Variants in ADGB observed in about 807,000 individuals in gnomAD.
The protein encoded by ADGB is calpain-7-like protein.
Under a neutral mutation model 210.5 loss-of-function variants are expected in ADGB, and 172 were observed. The ratio of observed to expected loss-of-function variants is 0.82; its 90% CI spans 0.72 to 0.93. ADGB has a LOEUF of 0.93. Among genes scored for constraint, ADGB ranks in the 40% least tolerant of loss-of-function variants. ADGB has a pLI of 0.00. For synonymous variants in ADGB, 658 were observed against 662.7 expected (o/e 0.99, Z 0.11); for missense variants, 2,025 against 1,964.8 (o/e 1.03, Z -0.58).
chr6:146,777,038 C>T (rs780294510), intron 29 of ADGB, among the ~76,000 whole-genome samples: 8 of 151,888 alleles, frequency 5.3e-5, no homozygotes, highest in Non-Finnish European at 1.2e-4. Flanking sequence ...CTATAGAGCG[C>T]TCACAGTCCC....
chr6:146,654,384 G>A (rs773266401), intron 4 of ADGB, among the ~76,000 whole-genome samples, 178 bp downstream of exon 4: 11 of 151,586 alleles, frequency 7.3e-5, no homozygotes, highest in Non-Finnish European at 1.3e-4. Context: ...ACAGAGTCTT[G>A]CTCTGTTGCT....
chr6:146,635,388 G>T lies in ADGB; in HGVS notation c.88G>T (p.Gly30Cys), dbSNP rs1247778544. 6 of 1,517,030 alleles carry T rather than the reference G, an allele frequency of 4.0e-6. No homozygotes were observed. Among genetic ancestry groups the T allele is most frequent in the South Asian group, 1.3e-5 (1 of 77,784 alleles). 94.0% of individuals were successfully genotyped at this position (1,517,030 alleles called of 1,614,324 possible). A position where few individuals can be genotyped will look rare whatever the true frequency, so the allele number is the denominator to read the frequency against. The change falls in exon 2 of 36, where the codon GGC becomes TGC. Residue 30 changes from glycine (G) to cysteine (C), a missense_variant. Gly to Cys is a radical substitution (Grantham distance 159). Coordinates refer to ENST00000397944, the MANE Select transcript of ADGB (RefSeq NM_024694.4). ...SDKSKDFYPFGSNVQSGSTEQ... is the reference protein window; with the variant it reads ...SDKSKDFYPFCSNVQSGSTEQ... Reference sequence around the variant, plus strand: ...GTCTCTGTCTAGTTTCTATCCTTTTGGCAGTAATGTACAATCTGGTTCTAC... The same window carrying T: ...GTCTCTGTCTAGTTTCTATCCTTTTTGCAGTAATGTACAATCTGGTTCTAC...
At chr6:146,648,218 T>C (rs1161344898) in intron 3 of ADGB, among the ~76,000 whole-genome samples, 2 of 152,150 alleles carry the variant, frequency 1.3e-5, no homozygotes, top group East Asian at 1.9e-4. Flanking sequence ...TACCTTTTTT[T>C]ACTTTATTTT....
intron 28 of ADGB, among the ~76,000 whole-genome samples, chr6:146,767,934 C>T (rs1429226896): frequency 1.3e-5 from 2 of 148,616 alleles, no homozygotes; most frequent in African/African-American, 4.9e-5. Context: ...TAGTGTTCCT[C>T]TACACCGGCA....
intron 29 of ADGB, among the ~76,000 whole-genome samples, chr6:146,779,259 G>A (rs1777763881): frequency 6.6e-6 from 1 of 152,152 alleles, no homozygotes; most frequent in Non-Finnish European, 1.5e-5. Context: ...CCACAAAATG[G>A]TAGTCTGAGA....
chr6:146,777,064 G>T (rs1001870454), intron 29 of ADGB, among the ~76,000 whole-genome samples: 3 of 151,688 alleles, frequency 2.0e-5, no homozygotes, highest in Non-Finnish European at 2.9e-5. Flanking sequence ...AGTCTGGTAG[G>T]GTGGTTTGTC....
chr6:146,741,401 A>T, intron 25 of ADGB, 130 bp downstream of exon 25: 1 of 738,952 alleles, frequency 1.4e-6, no homozygotes, highest in Admixed American at 3.4e-5. Context: ...CTGATCTTTC[A>T]CTATAGAAGT....
rs1238040719 is a variant in ADGB at position 146,781,877 on chromosome 6, G to A, written c.3863-143G>A. On this transcript the variant is annotated intron_variant, in intron 29 of 35. Coordinates refer to ENST00000397944, the MANE Select transcript of ADGB (RefSeq NM_024694.4). ...AGATTTTATGAAAACGAGTCCAACA[G>A]GCCTTTATAAAAATCTGTGTGATTG... The A allele has an allele frequency of 7.4e-6, 4 of 539,280 alleles. No homozygotes were observed. The South Asian group carries it at 2.6e-4, about 35-fold the overall frequency. 33.4% of individuals were successfully genotyped at this position (539,280 alleles called of 1,614,324 possible). A position where few individuals can be genotyped will look rare whatever the true frequency, so the allele number is the denominator to read the frequency against.
intron 27 of ADGB, 108 bp downstream of exon 27, chr6:146,752,822 A>G: frequency 2.8e-6 from 3 of 1,066,604 alleles, no homozygotes; most frequent in Non-Finnish European, 3.9e-6. Context: ...TTAAATTATG[A>G]AACTTCATAG....
At position 146,685,800 on chromosome 6, in the gene ADGB, A is replaced by G; in HGVS notation, c.1283A>G (p.Glu428Gly). 2 of 1,539,952 alleles carry G rather than the reference A, an allele frequency of 1.3e-6. No homozygotes were observed. Among genetic ancestry groups the G allele is most frequent in the Middle Eastern group, 1.7e-4 (1 of 5,862 alleles). ...ACATTTACACCTCTTTATTTGTTTGAAAACAAGATCTTTTCATTAGAGAAG... is the reference window on the plus strand; with the variant it reads ...ACATTTACACCTCTTTATTTGTTTGGAAACAAGATCTTTTCATTAGAGAAG... ...YATFTPLYLF[E>G]NKIFSLEKMA... Residue 428 changes from glutamate (E) to glycine (G), a missense_variant, in exon 10 of 36, where the codon GAA becomes GGA. Coordinates refer to ENST00000397944, the MANE Select transcript of ADGB (RefSeq NM_024694.4).
chr6:146,677,237 G>T (rs963677530), intron 9 of ADGB, among the ~76,000 whole-genome samples: 5 of 152,132 alleles, frequency 3.3e-5, no homozygotes, highest in East Asian at 1.9e-4. Flanking sequence ...TATTCAGGAG[G>T]TTATCAGGAG....
chr6:146,781,985 A>G lies in ADGB; in HGVS notation c.3863-35A>G, dbSNP rs143766236. On this transcript the variant is annotated intron_variant, in intron 29 of 35. Coordinates refer to ENST00000397944, the MANE Select transcript of ADGB (RefSeq NM_024694.4). ...TGTGAAACCATTTTATTGTTATATTATGACTCACCATTTTTTATTTTTATG... is the reference window on the plus strand; with the variant it reads ...TGTGAAACCATTTTATTGTTATATTGTGACTCACCATTTTTTATTTTTATG... 650 of 1,405,650 alleles carry G rather than the reference A, an allele frequency of 4.6e-4. 2 individuals carry two copies. In the African/African-American group the frequency reaches 8.4e-3, roughly 18 times the overall value. The allele number at this position is 1,405,650 out of a possible 1,614,324, so 87.1% of individuals were successfully genotyped here.
chr6:146,674,373 A>G (rs1562271249), intron 8 of ADGB, among the ~76,000 whole-genome samples: 1 of 151,814 alleles, frequency 6.6e-6, no homozygotes, highest in Non-Finnish European at 1.5e-5. Flanking sequence ...TTTTTAAGTG[A>G]TGACTGGGAA....
chr6:146,764,394 A>G (rs1376256352), intron 28 of ADGB, among the ~76,000 whole-genome samples: 1 of 152,178 alleles, frequency 6.6e-6, no homozygotes, highest in Non-Finnish European at 1.5e-5. Flanking sequence ...AAGAAGCTAT[A>G]TAACTTTGTG....
chr6:146,695,639 T>C (rs1776391756), intron 12 of ADGB, among the ~76,000 whole-genome samples: 3 of 151,970 alleles, frequency 2.0e-5, no homozygotes, highest in African/African-American at 7.2e-5. Context: ...ATTAATTTCC[T>C]TAGTTGCATT....
At chr6:146,747,787 T>C (rs1174172661) in intron 26 of ADGB, among the ~76,000 whole-genome samples, 1 of 149,704 alleles carries the variant, frequency 6.7e-6, no homozygotes, top group African/African-American at 2.4e-5. Context: ...ATATGTATTT[T>C]TTTTTTTTTG....
At chr6:146,709,869 A>T (rs1776634705) in intron 13 of ADGB, among the ~76,000 whole-genome samples, 1 of 152,122 alleles carries the variant, frequency 6.6e-6, no homozygotes, top group Non-Finnish European at 1.5e-5. Context: ...TGCTACATTC[A>T]GTTGCTATAA....
intron 27 of ADGB, among the ~76,000 whole-genome samples, chr6:146,753,628 A>G (rs1583623073): frequency 6.6e-6 from 1 of 151,900 alleles, no homozygotes; most frequent in Non-Finnish European, 1.5e-5. Flanking sequence ...TCTAATATTG[A>G]ATGGGTTTGG....
chr6:146,772,019 C>T (rs1254085823), intron 29 of ADGB, among the ~76,000 whole-genome samples: 2 of 152,068 alleles, frequency 1.3e-5, no homozygotes, highest in Non-Finnish European at 2.9e-5. Flanking sequence ...ATTATAATAG[C>T]GTGTTATACC....
Sources: gnomAD v4.1 joint callset for allele counts (sites outside exome capture counted in the v4.1 genomes callset) on GRCh38, gnomAD v4.1.1 for gene constraint, MANE v1.5 for transcripts, NCBI Gene and HGNC (gene_info 2026-07-23, HGNC 2026-07-21) for gene names.